The following DGKB variants were observed in gnomAD, a reference collection of about 807,000 sequenced individuals.
DGKB encodes 90 kDa diacylglycerol kinase.
A neutral mutation model predicts 114.3 loss-of-function variants in DGKB; 67 were observed. The ratio of observed to expected loss-of-function variants is 0.59; its 90% CI spans 0.48 to 0.72. The LOEUF is 0.72. Ranked by LOEUF, DGKB falls within the 30% of genes least tolerant of loss-of-function variation. DGKB has a pLI of 0.00. For missense variants in DGKB, 907 were observed against 975.2 expected (o/e 0.93, Z 0.93); for synonymous variants, 398 against 323.1 (o/e 1.23, Z -2.49).
rs1344178018 is a variant in DGKB, at chr7:14,750,816, TC to T, written c.168+3111del. Among the ~76,000 whole-genome samples, 191 of 139,008 alleles carry T rather than the reference TC, an allele frequency of 1.4e-3. 14 individuals carry two copies. The highest frequency in any genetic ancestry group is 3.7e-3 in the Middle Eastern group (1 of 268). 91.2% of individuals were successfully genotyped at this position (139,008 alleles called of 152,430 possible). On this transcript the variant is annotated intron_variant, in intron 4 of 25. Transcript: ENST00000402815. ...TTCTTTTTTTTTTTTTTTTTTTTTT[TC>T]TGAGACAGAGTCTCACTCTGTTGTT...
intron 6 of DGKB, among the ~76,000 whole-genome samples, chr7:14,712,270 G>A (rs1827485519): frequency 6.6e-6 from 1 of 152,054 alleles, no homozygotes; most frequent in African/African-American, 2.4e-5. Context: ...GTTCTGTCTT[G>A]GATGTTCAGC....
chr7:14,628,843 T>C (rs934962135), intron 14 of DGKB, among the ~76,000 whole-genome samples: 1 of 151,926 alleles, frequency 6.6e-6, no homozygotes, highest in Non-Finnish European at 1.5e-5. Flanking sequence ...TACTGGAAAG[T>C]TTAAGTTAAT....
chr7:14,391,207 G>A (rs1219690346), intron 21 of DGKB, among the ~76,000 whole-genome samples: 2 of 152,140 alleles, frequency 1.3e-5, no homozygotes, highest in Non-Finnish European at 2.9e-5. Context: ...TTTTTGCATG[G>A]AAATGTAGAA....
intron 1 of DGKB, among the ~76,000 whole-genome samples, chr7:14,953,230 T>A (rs1786306856): frequency 6.6e-6 from 1 of 152,094 alleles, no homozygotes; most frequent in Non-Finnish European, 1.5e-5. Context: ...ATTTTAAAGT[T>A]CTGTGCTTCA....
At chr7:14,551,226 A>G (rs1324182612) in intron 20 of DGKB, among the ~76,000 whole-genome samples, 2 of 152,200 alleles carry the variant, frequency 1.3e-5, no homozygotes, top group Non-Finnish European at 2.9e-5. Flanking sequence ...GGTAATATAT[A>G]TGTGTAGTAA....
chr7:14,934,693 A>C (rs191731395), intron 1 of DGKB, among the ~76,000 whole-genome samples: 1 of 152,318 alleles, frequency 6.6e-6, no homozygotes, highest in Admixed American at 6.5e-5. Flanking sequence ...TTATCATGTA[A>C]AATTAAAATG....
At chr7:14,462,778 A>G (rs529285268) in intron 21 of DGKB, among the ~76,000 whole-genome samples, 5 of 152,302 alleles carry the variant, frequency 3.3e-5, no homozygotes, top group South Asian at 2.1e-4. Flanking sequence ...GAGGCTGTAT[A>G]GCCAAGACAA....
rs762339951 is a variant in DGKB at position 14,170,134 on chromosome 7, CAAAAAAA to C, written c.2304+6698_2304+6704del. Among the ~76,000 whole-genome samples the C allele has an allele frequency of 2.7e-4, 9 of 33,088 alleles. 1 individual carries two copies. The highest frequency in any genetic ancestry group is 6.2e-4 in the East Asian group (1 of 1,604). The allele number at this position is 33,088 out of a possible 152,430, so 21.7% of individuals were successfully genotyped here. A position where few individuals can be genotyped will look rare whatever the true frequency, so the allele number is the denominator to read the frequency against. On this transcript the variant is annotated intron_variant, in intron 25 of 25. Coordinates refer to ENST00000402815, the MANE Select transcript of DGKB (RefSeq NM_001350709.2). ...GGGCAACAAGAGAGAAACTCCATCT[CAAAAAAA>C]AAAAAAAGAAAGAAAGAAAGAAAGA...
chr7:14,511,683 C>T (rs1787999501), intron 20 of DGKB, among the ~76,000 whole-genome samples: 1 of 152,172 alleles, frequency 6.6e-6, no homozygotes. Flanking sequence ...CTTTCAGTAT[C>T]TCTTGGCTTT....
Position 14,149,242 on chromosome 7 carries a change from GAA to G in DGKB, c.2305-6_2305-5del. 1.9e-6 allele frequency: 3 copies of G among 1,590,508 alleles called. No individual in the cohort carries two copies. Among genetic ancestry groups the G allele is most frequent in the African/African-American group, 2.7e-5 (2 of 73,550 alleles). ...GGTTCTTGTGTGTAATTTTTATCTAGAAAAAAAGAGAGAGAGAGAGAGAGAAA... is the reference window on the plus strand; with the variant it reads ...GGTTCTTGTGTGTAATTTTTATCTAGAAAAAGAGAGAGAGAGAGAGAGAAA... On this transcript the variant is annotated splice_region_variant and splice_polypyrimidine_tract_variant and intron_variant, in intron 25 of 25. Transcript: ENST00000402815.
intron 23 of DGKB, among the ~76,000 whole-genome samples, chr7:14,306,600 A>G (rs1170254733): frequency 6.6e-5 from 10 of 152,098 alleles, no homozygotes; most frequent in Admixed American, 6.6e-4. Context: ...ACAGTAGATA[A>G]TTGAAATAAA....
At chr7:14,703,694 T>C (rs934988465) in intron 6 of DGKB, among the ~76,000 whole-genome samples, 2 of 152,174 alleles carry the variant, frequency 1.3e-5, no homozygotes, top group Non-Finnish European at 2.9e-5. Flanking sequence ...CAGGGGTGTT[T>C]CGAGGCAACC....
chr7:14,154,018 G>C (rs1200204598), intron 25 of DGKB, among the ~76,000 whole-genome samples: 2 of 151,852 alleles, frequency 1.3e-5, no homozygotes, highest in Non-Finnish European at 2.9e-5. Context: ...CAAAGTAAAT[G>C]AGTGAGCTAA....
intron 23 of DGKB, among the ~76,000 whole-genome samples, chr7:14,198,848 G>A (rs537321245): frequency 6.6e-6 from 1 of 152,024 alleles, no homozygotes; most frequent in South Asian, 2.1e-4. Flanking sequence ...AGGAGGGATA[G>A]GGGGAACCTG....
chr7:14,640,585 G>C (rs2128872791), intron 13 of DGKB, among the ~76,000 whole-genome samples: 1 of 152,236 alleles, frequency 6.6e-6, no homozygotes, highest in South Asian at 2.1e-4. Context: ...GTCATGGAAA[G>C]CTCGAGAACT....
intron 20 of DGKB, among the ~76,000 whole-genome samples, chr7:14,516,292 T>C (rs1157144627): frequency 6.6e-6 from 1 of 152,158 alleles, no homozygotes; most frequent in Non-Finnish European, 1.5e-5. Context: ...ACAAAGTCAT[T>C]GAACAAAGAC....
At chr7:14,346,542 A>T (rs2128595121) in intron 21 of DGKB, among the ~76,000 whole-genome samples, 1 of 152,102 alleles carries the variant, frequency 6.6e-6, no homozygotes, top group Non-Finnish European at 1.5e-5. Context: ...TAAGTTTCAT[A>T]GGATTCTAGC....
intron 14 of DGKB, among the ~76,000 whole-genome samples, chr7:14,624,879 G>C (rs1156255327): frequency 1.3e-5 from 2 of 151,954 alleles, no homozygotes; most frequent in East Asian, 3.9e-4. Context: ...GACACCTGTG[G>C]TCCCAGTTAC....
At chr7:14,608,635 T>A (rs569566903) in intron 16 of DGKB, among the ~76,000 whole-genome samples, 3 of 151,890 alleles carry the variant, frequency 2.0e-5, no homozygotes, top group South Asian at 4.2e-4. Flanking sequence ...AGAAAATAAA[T>A]CAAGCTCTCT....
Sources: gnomAD v4.1 joint callset for allele counts (sites outside exome capture counted in the v4.1 genomes callset) on GRCh38, gnomAD v4.1.1 for gene constraint, MANE v1.5 for transcripts, NCBI Gene and HGNC (gene_info 2026-07-23, HGNC 2026-07-21) for gene names.